The following TMC1 variants were observed in gnomAD, a reference collection of about 807,000 sequenced individuals.
TMC1 encodes the protein transmembrane channel like 1, also known as transmembrane channel-like protein 1.
TMC1 carries 84 observed loss-of-function variants against 105.8 expected under a neutral mutation model. The ratio of observed to expected loss-of-function variants is 0.79; its 90% confidence interval spans 0.67 to 0.95. TMC1 has a LOEUF of 0.95. Ranked by LOEUF, TMC1 falls within the 40% of genes least tolerant of loss-of-function variation. TMC1 has a pLI of 0.00. For synonymous variants in TMC1, 315 were observed against 311.5 expected (o/e 1.01, Z -0.12); for missense variants, 817 against 914.1 (o/e 0.89, Z 1.37).
intron 12 of TMC1, among the ~76,000 whole-genome samples, chr9:72,768,181 G>A (rs548739321): frequency 6.6e-6 from 1 of 152,252 alleles, no homozygotes; most frequent in Non-Finnish European, 1.5e-5. Flanking sequence ...CAGGGACATG[G>A]ATGAAGCTGG....
At chr9:72,611,046 G>A (rs551575706) in intron 2 of TMC1, among the ~76,000 whole-genome samples, 2 of 152,330 alleles carry the variant, frequency 1.3e-5, no homozygotes, top group South Asian at 2.1e-4. Flanking sequence ...ATAATTGGAT[G>A]ATGTAAGAAG....
chr9:72,548,724 G>A lies in TMC1; in HGVS notation c.-428+26811G>A, dbSNP rs529761622. ...GACTTGTCGTGCTGCAGTGGCTCAC[G>A]CCTGTAATCCCAGAACTTTGAGAGG... On this transcript the variant is annotated intron_variant, in intron 1 of 23. Coordinates refer to ENST00000297784, the MANE Select transcript of TMC1 (RefSeq NM_138691.3). Among the ~76,000 whole-genome samples, 15 of 152,240 alleles carry A rather than the reference G, an allele frequency of 9.9e-5. No individual in the cohort carries two copies. The South Asian group carries it at 1.0e-3, about 11-fold the overall frequency.
At chr9:72,713,563 G>A (rs1277820055) in intron 8 of TMC1, among the ~76,000 whole-genome samples, 1 of 152,130 alleles carries the variant, frequency 6.6e-6, no homozygotes, top group East Asian at 1.9e-4. Flanking sequence ...TTTGCATAGA[G>A]GTATTTATAG....
chr9:72,612,459 C>T lies in TMC1; in HGVS notation c.-305-3909C>T, dbSNP rs141296912. On this transcript the variant is annotated intron_variant, in intron 2 of 23. Coordinates refer to ENST00000297784, the MANE Select transcript of TMC1 (RefSeq NM_138691.3). Reference sequence around the variant, plus strand: ...AAAATGCTGAGATTACAGACAAGAGCCACCACTCCCGGCCCAAACATTTTT... The same window carrying T: ...AAAATGCTGAGATTACAGACAAGAGTCACCACTCCCGGCCCAAACATTTTT... Among the ~76,000 whole-genome samples the T allele has an allele frequency of 2.5e-4, 38 of 150,970 alleles. No individual in the cohort carries two copies. The East Asian group carries it at 4.3e-3, about 17-fold the overall frequency.
chr9:72,606,217 G>A (rs115977216), intron 2 of TMC1, among the ~76,000 whole-genome samples: 2,260 of 152,182 alleles, frequency 0.015, 66 homozygotes, highest in African/African-American at 0.051. Flanking sequence ...GTTTCTTCTC[G>A]CTGGAGACTT....
intron 1 of TMC1, among the ~76,000 whole-genome samples, chr9:72,543,952 C>CTTTTTTTTTTTTTTTTTTT: frequency 7.4e-6 from 1 of 134,342 alleles, no homozygotes; most frequent in Non-Finnish European, 1.6e-5. Context: ...TTCTTTCTTT[C>CTTTTTTTTTTTTTTTTTTT]TTTTTTTTTT....
chr9:72,586,498 A>G (rs17557212), intron 2 of TMC1, among the ~76,000 whole-genome samples: 2,346 of 152,278 alleles, frequency 0.015, 22 homozygotes, highest in Middle Eastern at 0.071. Context: ...CTTGGTGCAA[A>G]GTTTTCAAAA....
intron 15 of TMC1, among the ~76,000 whole-genome samples, chr9:72,790,113 G>A (rs1828241142): frequency 6.6e-6 from 1 of 152,184 alleles, no homozygotes; most frequent in Non-Finnish European, 1.5e-5. Flanking sequence ...AAATGCTTAT[G>A]TGTATGATGT....
At chr9:72,554,261 A>G (rs1294204414) in intron 1 of TMC1, among the ~76,000 whole-genome samples, 2 of 152,176 alleles carry the variant, frequency 1.3e-5, no homozygotes, top group South Asian at 2.1e-4. Context: ...ATACTTTTCA[A>G]GTTAAACATT....
At chr9:72,734,314 T>G (rs183568434) in intron 8 of TMC1, among the ~76,000 whole-genome samples, 1 of 152,362 alleles carries the variant, frequency 6.6e-6, no homozygotes, top group East Asian at 1.9e-4. Context: ...CTATTTGCCA[T>G]GGACTAAGCT....
At chr9:72,660,400 G>A (rs1056807184) in intron 5 of TMC1, among the ~76,000 whole-genome samples, 1 of 152,100 alleles carries the variant, frequency 6.6e-6, no homozygotes, top group Non-Finnish European at 1.5e-5. Context: ...GAGGCAATGA[G>A]TAATAAAATA....
chr9:72,817,812 G>A (rs1422571241), intron 19 of TMC1, among the ~76,000 whole-genome samples: 1 of 151,996 alleles, frequency 6.6e-6, no homozygotes, highest in East Asian at 1.9e-4. Flanking sequence ...TCTCTCGTGG[G>A]CAGATCCATT....
At position 72,656,241 on chromosome 9, in the gene TMC1, T is replaced by C. The variant is rs1825882969; in HGVS notation, c.16+7577T>C. 1.3e-5 allele frequency: 6 copies of C among 458,112 alleles called. No homozygotes were observed. In the Admixed American group the frequency reaches 1.4e-4, roughly 11 times the overall value. The allele number at this position is 458,112 out of a possible 1,614,324, so 28.4% of individuals were successfully genotyped here. A position where few individuals can be genotyped will look rare whatever the true frequency, so the allele number is the denominator to read the frequency against. ...TACTTGTTCCGGCAAGAGTGAACAG[T>C]GGTGAGTCAGGAGCAGGTGCGGGCG... On this transcript the variant is annotated intron_variant, in intron 5 of 23. Coordinates refer to ENST00000297784, the MANE Select transcript of TMC1 (RefSeq NM_138691.3).
At chr9:72,735,034 G>A (rs1564521188) in intron 8 of TMC1, among the ~76,000 whole-genome samples, 1 of 152,208 alleles carries the variant, frequency 6.6e-6, no homozygotes, top group Non-Finnish European at 1.5e-5. Flanking sequence ...ATTCTTGAAA[G>A]ACCATGAAAC....
chr9:72,796,874 G>A (rs1447630808), intron 17 of TMC1, among the ~76,000 whole-genome samples: 1 of 152,098 alleles, frequency 6.6e-6, no homozygotes, highest in Non-Finnish European at 1.5e-5. Flanking sequence ...TCTGGCCAGG[G>A]CAATCAGGCA....
At chr9:72,586,774 A>G (rs1471564041) in intron 2 of TMC1, among the ~76,000 whole-genome samples, 5 of 152,192 alleles carry the variant, frequency 3.3e-5, no homozygotes, top group Non-Finnish European at 5.9e-5. Context: ...CACCTGCCCT[A>G]CTTTTCTACC....
chr9:72,743,514 C>A (rs1827431717), intron 10 of TMC1, among the ~76,000 whole-genome samples: 1 of 147,966 alleles, frequency 6.8e-6, no homozygotes, highest in African/African-American at 2.5e-5. Flanking sequence ...TTGCAGTGAG[C>A]CGAGATCACA....
intron 17 of TMC1, among the ~76,000 whole-genome samples, chr9:72,792,761 G>A (rs568939263): frequency 2.6e-4 from 40 of 152,250 alleles, no homozygotes; most frequent in Non-Finnish European, 5.1e-4. Context: ...TCTTGGGGGT[G>A]GCCAAGACAG....
rs114868783 is a variant in TMC1 at position 72,722,834 on chromosome 9, A to G, written c.363-17285A>G. On this transcript the variant is annotated intron_variant, in intron 8 of 23. Transcript: ENST00000297784. ...TAGTGCTTGCCAATTTCCGTGGTGT[A>G]AATACTTCCACTATAGCCAATTTTA... Among the ~76,000 whole-genome samples, 368 of 152,284 alleles carry G rather than the reference A, an allele frequency of 2.4e-3. 2 individuals carry two copies. The highest frequency in any genetic ancestry group is 8.2e-3 in the African/African-American group (341 of 41,550).
Sources: allele counts gnomAD v4.1 joint callset (sites outside exome capture counted in the v4.1 genomes callset), GRCh38; gene constraint gnomAD v4.1.1; transcripts MANE v1.5; gene names NCBI Gene and HGNC (gene_info 2026-07-23, HGNC 2026-07-21).